ARPC4: variants seen among roughly 807,000 people sequenced by gnomAD.
The protein encoded by ARPC4 is actin related protein 2/3 complex subunit 4.
ARPC4 carries 3 observed loss-of-function variants against 22.8 expected under a neutral mutation model. The ratio of observed to expected loss-of-function variants is 0.13; its 90% CI spans 0.06 to 0.34. The LOEUF is 0.34. ARPC4 is among the 10% of genes least tolerant of loss of function. The pLI, the probability that ARPC4 is intolerant of heterozygous loss-of-function variation, is 1.00. For synonymous variants in ARPC4, 80 were observed against 72.5 expected (o/e 1.10, Z -0.52); for missense variants, 98 against 211.0 (o/e 0.46, Z 3.32).
intron 2 of ARPC4, chr3:9,798,138 T>TTC (rs1553711072): frequency 6.4e-5 from 11 of 172,366 alleles, no homozygotes; most frequent in South Asian, 1.6e-4. Flanking sequence ...TTTTTTTTTT[T>TTC]CCCATCTCCA....
intron 5 of ARPC4, 47 bp from the exon 6 acceptor site, chr3:9,806,163 G>A (rs1420784485): frequency 1.2e-6 from 2 of 1,610,144 alleles, no homozygotes; most frequent in Non-Finnish European, 1.7e-6. Context: ...AGTGCCACCA[G>A]GATGCAATAA....
At chr3:9,799,878 G>A in intron 2 of ARPC4, 2 of 520,450 alleles carry the variant, frequency 3.8e-6, no homozygotes, top group South Asian at 3.1e-5. Flanking sequence ...ATCTCTCTCA[G>A]TCCTCGCCAG....
At chr3:9,806,106 GAT>G in intron 5 of ARPC4, 102 bp from the exon 6 acceptor site, 1 of 1,348,450 alleles carries the variant, frequency 7.4e-7, no homozygotes, top group South Asian at 1.2e-5. Context: ...GCCCCTCACA[GAT>G]ATGAGCACAG....
In ARPC4 at chr3:9,797,511, C is replaced by T. The variant is rs180826714; in HGVS notation, c.4-148C>T. On this transcript the variant is annotated intron_variant, in intron 1 of 5. Coordinates refer to ENST00000397261, the MANE Select transcript of ARPC4 (RefSeq NM_005718.5). ...CCACTCTACACCTTGGAAGGCGTCT[C>T]GAAGGCCTAGTCTGTTCTGTTCACA... 1.4e-3 allele frequency: 1,072 copies of T among 783,606 alleles called. 5 individuals carry two copies. Among genetic ancestry groups the T allele is most frequent in the African/African-American group, 0.011 (607 of 57,282 alleles). The allele number at this position is 783,606 out of a possible 1,614,324, so 48.5% of individuals were successfully genotyped here.
chr3:9,793,053 G>A, upstream of ARPC4: 2 of 1,544,318 alleles, frequency 1.3e-6, no homozygotes, highest in South Asian at 1.2e-5. Flanking sequence ...TGCGCTTCTC[G>A]CGAAAGGGCA....
At chr3:9,795,914 G>A (rs967851570) in intron 1 of ARPC4, among the ~76,000 whole-genome samples, 7 of 152,212 alleles carry the variant, frequency 4.6e-5, no homozygotes, top group African/African-American at 1.7e-4. Context: ...TGGCCAACAT[G>A]GCGAAACCCC....
intron 1 of ARPC4, among the ~76,000 whole-genome samples, chr3:9,797,181 C>CCTAT (rs1032162675): frequency 2.5e-4 from 38 of 152,264 alleles, no homozygotes; most frequent in African/African-American, 9.1e-4. Context: ...AAACAGTACA[C>CCTAT]CTATACATTT....
intron 5 of ARPC4, among the ~76,000 whole-genome samples, chr3:9,805,065 C>T (rs759909238): frequency 3.3e-5 from 5 of 152,184 alleles, no homozygotes; most frequent in Admixed American, 6.5e-5. Flanking sequence ...GTAAGCTTTC[C>T]GTGTATTGCA....
At chr3:9,801,966 C>T (rs1261736446) in intron 4 of ARPC4, among the ~76,000 whole-genome samples, 1 of 152,022 alleles carries the variant, frequency 6.6e-6, no homozygotes, top group Non-Finnish European at 1.5e-5. Flanking sequence ...AAGAGCCGGG[C>T]GTGGTGGCTC....
rs139411461 is a variant in ARPC4, at chr3:9,796,326, G to A, written c.4-1333G>A. Among the ~76,000 whole-genome samples the A allele has an allele frequency of 1.3e-3, 198 of 152,318 alleles. 2 individuals are homozygous for A. Among genetic ancestry groups the A allele is most frequent in the South Asian group, 7.5e-3 (36 of 4,830 alleles). On this transcript the variant is annotated intron_variant, in intron 1 of 5. Transcript: ENST00000397261. ...GGAGAATCGCTTTAACCCAGGAGGC[G>A]GCGATTGCCGTGAGCAGAGATCGTG...
At chr3:9,804,439 G>C (rs2079069723) in intron 5 of ARPC4, among the ~76,000 whole-genome samples, 1 of 152,124 alleles carries the variant, frequency 6.6e-6, no homozygotes, top group Admixed American at 6.5e-5. Context: ...TGTTTCTCAG[G>C]CTTAAATCAT....
upstream of ARPC4, chr3:9,792,882 A>G (rs1052996744): frequency 3.9e-5 from 54 of 1,385,998 alleles, no homozygotes; most frequent in Non-Finnish European, 4.9e-5. Flanking sequence ...AGCTGCACCC[A>G]TTCCTGGAGG....
chr3:9,794,326 C>G (rs1417218595), intron 1 of ARPC4, among the ~76,000 whole-genome samples: 2 of 152,124 alleles, frequency 1.3e-5, no homozygotes, highest in African/African-American at 2.4e-5. Flanking sequence ...GGTGAAACCT[C>G]TTCTCTACTA....
upstream of ARPC4, chr3:9,792,735 A>C (rs1474526940): frequency 1.4e-5 from 17 of 1,239,772 alleles, no homozygotes; most frequent in Admixed American, 2.9e-4. Flanking sequence ...GGATGGGGGT[A>C]CAGAACCGGA....
At chr3:9,803,729 C>T in intron 4 of ARPC4, 114 bp from the exon 5 acceptor site, 1 of 1,196,134 alleles carries the variant, frequency 8.4e-7, no homozygotes. Flanking sequence ...GGGAGAAGAT[C>T]ACAGCCAGTG....
At chr3:9,801,058 G>A (rs6786980) in intron 3 of ARPC4, among the ~76,000 whole-genome samples, 132,413 of 151,474 alleles carry the variant, frequency 0.87, 58,080 homozygotes, top group Middle Eastern at 0.9. Flanking sequence ...TAAAAATACA[G>A]AAATTAGCCA....
chr3:9,801,758 T>TGA lies in ARPC4; in HGVS notation c.330+5_330+6dup. 3 of 1,594,160 alleles carry TGA rather than the reference T, an allele frequency of 1.9e-6. No individual in the cohort carries two copies. The highest frequency in any genetic ancestry group is 2.6e-6 in the Non-Finnish European group (3 of 1,167,438). On this transcript the variant is annotated splice_region_variant and intron_variant, in intron 4 of 5. Coordinates refer to ENST00000397261, the MANE Select transcript of ARPC4 (RefSeq NM_005718.5). ...ATCCTTCGAAGGAAGCCTGTGGAGG[T>TGA]GAGACCCTGTGACCCATGAGTTTGC...
chr3:9,804,081 A>C, intron 5 of ARPC4, 68 bp downstream of exon 5: 1 of 1,565,386 alleles, frequency 6.4e-7, no homozygotes, highest in Admixed American at 1.8e-5. Flanking sequence ...AGAACTTAGC[A>C]TCTGGTGGGA....
At chr3:9,801,557 C>A in intron 3 of ARPC4, 104 bp from the exon 4 acceptor site, 1 of 1,157,120 alleles carries the variant, frequency 8.6e-7, no homozygotes, top group Non-Finnish European at 1.2e-6. Context: ...ACCTCACTGT[C>A]TCCTGGGAGC....
Sources: gnomAD v4.1 joint callset for allele counts (sites outside exome capture counted in the v4.1 genomes callset) on GRCh38, gnomAD v4.1.1 for gene constraint, MANE v1.5 for transcripts, NCBI Gene and HGNC (gene_info 2026-07-23, HGNC 2026-07-21) for gene names.